Variants in PRKN observed in about 807,000 individuals in gnomAD.
PRKN encodes the protein E3 ubiquitin-protein ligase parkin.
Under a neutral mutation model 59.5 loss-of-function variants are expected in PRKN, and 56 were observed. The observed-to-expected ratio is 0.94, with a 90% CI of 0.76 to 1.18. The LOEUF (loss-of-function observed/expected upper bound fraction) is 1.18. Ranked by LOEUF, PRKN falls within the 50% of genes most tolerant of loss-of-function variation. PRKN has a pLI of 0.00. For synonymous variants in PRKN, 250 were observed against 222.1 expected, an observed-to-expected ratio of 1.13 and a Z score of -1.12; for missense variants, 657 against 596.4, an observed-to-expected ratio of 1.10 and a Z score of -1.06.
At chr6:162,074,969 T>C (rs541705359) in intron 4 of PRKN, among the ~76,000 whole-genome samples, 1 of 152,196 alleles carries the variant, frequency 6.6e-6, no homozygotes, top group Non-Finnish European at 1.5e-5. Context: ...ATTTAAACAA[T>C]GGAGACAATA....
chr6:162,113,211 C>T (rs1272701057), intron 4 of PRKN, among the ~76,000 whole-genome samples: 1 of 152,106 alleles, frequency 6.6e-6, no homozygotes, highest in African/African-American at 2.4e-5. Flanking sequence ...GCAGAGGCTA[C>T]AATTAGAAAA....
chr6:161,500,613 T>C (rs1323639919), intron 9 of PRKN, among the ~76,000 whole-genome samples: 1 of 152,232 alleles, frequency 6.6e-6, no homozygotes, highest in Non-Finnish European at 1.5e-5. Context: ...GGTTCCTCTA[T>C]GTCTTCCCAT....
At chr6:162,541,467 A>G (rs1285220677) in intron 1 of PRKN, among the ~76,000 whole-genome samples, 2 of 152,180 alleles carry the variant, frequency 1.3e-5, no homozygotes, top group Non-Finnish European at 2.9e-5. Flanking sequence ...TGCTGCTGGG[A>G]TGGATGGCCC....
chr6:161,529,738 AC>A lies in PRKN; in HGVS notation c.1083+19115del, dbSNP rs138494786. 0.019 allele frequency among the ~76,000 whole-genome samples: 2,939 copies of A among 152,298 alleles called. 100 individuals carry two copies. The highest frequency in any genetic ancestry group is 0.068 in the African/African-American group (2,812 of 41,554). On this transcript the variant is annotated intron_variant, in intron 9 of 11. Coordinates refer to ENST00000366898, the MANE Select transcript of PRKN (RefSeq NM_004562.3). This position sits in a 1 kb window ranked among gnomAD's most constrained non-coding sequence, Gnocchi z 4.4. ...TTTTGAAATCAAAAAAGATTTATAA[AC>A]ATTATTGGTACAACTGATTTTTGTC...
At chr6:161,687,264 C>T (rs1785591400) in intron 7 of PRKN, among the ~76,000 whole-genome samples, 1 of 150,752 alleles carries the variant, frequency 6.6e-6, no homozygotes. Context: ...TGGCATGTGC[C>T]TGTAATCCCA....
intron 7 of PRKN, among the ~76,000 whole-genome samples, chr6:161,643,916 G>A (rs1351793504): frequency 1.3e-5 from 2 of 151,988 alleles, no homozygotes; most frequent in African/African-American, 2.4e-5. Flanking sequence ...TTGAATGTCT[G>A]TTATATGCCA....
intron 1 of PRKN, among the ~76,000 whole-genome samples, chr6:162,633,491 A>T (rs531912735): frequency 6.7e-6 from 1 of 149,246 alleles, no homozygotes; most frequent in Non-Finnish European, 1.5e-5. Context: ...GGGAGGACTT[A>T]TAACTCCTAA....
chr6:161,975,993 C>T (rs1781017279), intron 5 of PRKN, among the ~76,000 whole-genome samples: 1 of 152,106 alleles, frequency 6.6e-6, no homozygotes, highest in Admixed American at 6.5e-5. Flanking sequence ...GCAACCTCCG[C>T]CTCCCAGGTT....
At chr6:161,771,292 C>T (rs757451590) in intron 7 of PRKN, among the ~76,000 whole-genome samples, 4 of 147,594 alleles carry the variant, frequency 2.7e-5, no homozygotes, top group Non-Finnish European at 5.9e-5. Flanking sequence ...GGAGGCAGAG[C>T]TTGCAGTGAG....
intron 5 of PRKN, among the ~76,000 whole-genome samples, chr6:162,042,742 T>C (rs1582944238): frequency 6.6e-6 from 1 of 152,342 alleles, no homozygotes; most frequent in East Asian, 1.9e-4. Context: ...TCTTCATATA[T>C]TGTACATTGT....
At chr6:161,424,984 T>G (rs2115035789) in intron 9 of PRKN, among the ~76,000 whole-genome samples, 1 of 152,306 alleles carries the variant, frequency 6.6e-6, no homozygotes, top group African/African-American at 2.4e-5. Context: ...TCAGAAACAC[T>G]TAAGAAAGTA....
intron 5 of PRKN, among the ~76,000 whole-genome samples, chr6:162,022,005 C>T (rs750662744): frequency 3.3e-5 from 5 of 152,100 alleles, no homozygotes; most frequent in Admixed American, 2.0e-4. Context: ...ACTGCATCCA[C>T]GTCGCTGCAA....
chr6:161,452,099 G>GCA (rs59607524), intron 9 of PRKN, among the ~76,000 whole-genome samples: 10,037 of 151,694 alleles, frequency 0.066, 482 homozygotes, highest in African/African-American at 0.13. Context: ...GGGATTACAG[G>GCA]CGCACCACCA....
At chr6:162,028,707 C>T (rs1408327659) in intron 5 of PRKN, among the ~76,000 whole-genome samples, 2 of 152,156 alleles carry the variant, frequency 1.3e-5, no homozygotes, top group African/African-American at 4.8e-5. Context: ...TGTCTGGGCA[C>T]CCACAGGCAT....
At position 162,320,470 on chromosome 6, in the gene PRKN, A is replaced by AT. The variant is rs545329518; in HGVS notation, c.172-57706_172-57705insA. Reference sequence around the variant, plus strand: ...TTCAAGATACTTCACCAAAAAAAAAAATATATGAAAAGCAAATAGGTAAAT... The same window carrying AT: ...TTCAAGATACTTCACCAAAAAAAAAATATATATGAAAAGCAAATAGGTAAAT... On this transcript the variant is annotated intron_variant, in intron 2 of 11. Coordinates refer to ENST00000366898, the MANE Select transcript of PRKN (RefSeq NM_004562.3). Among the ~76,000 whole-genome samples, 499 of 150,962 alleles carry AT rather than the reference A, an allele frequency of 3.3e-3. 7 individuals are homozygous for AT. Among genetic ancestry groups the AT allele is most frequent in the African/African-American group, 0.012 (477 of 41,338 alleles).
intron 7 of PRKN, among the ~76,000 whole-genome samples, chr6:161,636,391 C>T: frequency 6.6e-6 from 1 of 152,206 alleles, no homozygotes; most frequent in Non-Finnish European, 1.5e-5. Context: ...GCTGTCCATT[C>T]CGGAGACACT....
chr6:162,009,128 C>G (rs1782379790), intron 5 of PRKN, among the ~76,000 whole-genome samples: 1 of 151,868 alleles, frequency 6.6e-6, no homozygotes, highest in Admixed American at 6.5e-5. Context: ...TGGTGTGACC[C>G]TGTAATCCCA....
chr6:161,438,032 G>A (rs1789007705), intron 9 of PRKN, among the ~76,000 whole-genome samples: 1 of 152,062 alleles, frequency 6.6e-6, no homozygotes, highest in Admixed American at 6.5e-5. Flanking sequence ...GCTGGTGTGA[G>A]TCGTACTAAG....
chr6:162,637,901 T>C (rs1366327908), intron 1 of PRKN, among the ~76,000 whole-genome samples: 1 of 152,124 alleles, frequency 6.6e-6, no homozygotes, highest in African/African-American at 2.4e-5. Context: ...TACAAAAATT[T>C]TTCTGCATAA....
Sources: allele counts gnomAD v4.1 joint callset (sites outside exome capture counted in the v4.1 genomes callset), GRCh38; gene constraint gnomAD v4.1.1; non-coding constraint Gnocchi (gnomAD v3.1); transcripts MANE v1.5; gene names NCBI Gene and HGNC (gene_info 2026-07-23, HGNC 2026-07-21).